Variants in ETV7 observed in about 807,000 individuals in gnomAD.
ETV7 encodes the protein ETS variant transcription factor 7.
ETV7 carries 43 observed loss-of-function variants against 39.1 expected under a neutral mutation model. The observed-to-expected ratio is 1.10, with a 90% CI of 0.86 to 1.42. The LOEUF (loss-of-function observed/expected upper bound fraction) is 1.42. Among genes scored for constraint, ETV7 ranks in the 40% most tolerant of loss-of-function variants. ETV7 has a pLI of 0.00. For synonymous variants in ETV7, 196 were observed against 176.6 expected (o/e 1.11, Z -0.87); for missense variants, 432 against 442.3 (o/e 0.98, Z 0.21).
intron 2 of ETV7, among the ~76,000 whole-genome samples, chr6:36,384,977 T>C (rs1773823029): frequency 6.6e-6 from 1 of 152,122 alleles, no homozygotes; most frequent in African/African-American, 2.4e-5. Flanking sequence ...AAATTTTTAA[T>C]TGACAAATTA....
chr6:36,364,688 C>T (rs1301967004), downstream of ETV7, among the ~76,000 whole-genome samples: 1 of 152,328 alleles, frequency 6.6e-6, no homozygotes, highest in East Asian at 1.9e-4. Context: ...CACAGTGCAG[C>T]GGTGGGATGA....
At chr6:36,374,150 G>A (rs1441860499) in intron 3 of ETV7, among the ~76,000 whole-genome samples, 3 of 152,138 alleles carry the variant, frequency 2.0e-5, no homozygotes, top group African/African-American at 7.2e-5. Context: ...TTGAACCCAG[G>A]AGTTTGAGAC....
chr6:36,383,018 T>C (rs1184166006), intron 2 of ETV7, among the ~76,000 whole-genome samples: 1 of 152,000 alleles, frequency 6.6e-6, no homozygotes, highest in Non-Finnish European at 1.5e-5. Context: ...GGTGACCATC[T>C]CTGAACTGCC....
At chr6:36,378,456 A>G (rs1438513307) in intron 2 of ETV7, among the ~76,000 whole-genome samples, 1 of 152,220 alleles carries the variant, frequency 6.6e-6, no homozygotes, top group Non-Finnish European at 1.5e-5. Flanking sequence ...AGGCTGTAAT[A>G]AAAACGAAAC....
chr6:36,378,541 C>T lies in ETV7; in HGVS notation c.143-2506G>A, dbSNP rs541638599. ...AACAAAACTAAAAGAGGGTAGATTTCAGGGAAATATTTGCAATGCAGATGA... is the reference window on the plus strand; with the variant it reads ...AACAAAACTAAAAGAGGGTAGATTTTAGGGAAATATTTGCAATGCAGATGA... On this transcript the variant is annotated intron_variant, in intron 2 of 7. Coordinates refer to ENST00000340181, the MANE Select transcript of ETV7 (RefSeq NM_016135.4). 6.6e-5 allele frequency among the ~76,000 whole-genome samples: 10 copies of T among 152,012 alleles called. 1 individual carries two copies. The East Asian group carries it at 1.2e-3, about 18-fold the overall frequency.
Position 36,387,537 on chromosome 6 carries a change from T to G in ETV7, c.5A>C (p.Gln2Pro), listed in dbSNP as rs1402635694. 1.2e-6 allele frequency: 2 copies of G among 1,614,020 alleles called. No homozygotes were observed. Among genetic ancestry groups the G allele is most frequent in the Admixed American group, 1.7e-5 (1 of 60,012 alleles). MQEGELAISPIS... is the reference protein window; with the variant it reads MPEGELAISPIS... Reference sequence around the variant, plus strand: ...CGTGTTCAGCCGCCAGGCTCTTACCTGCATTACAGGTGGAGGTGAGGAAGC... The same window carrying G: ...CGTGTTCAGCCGCCAGGCTCTTACCGGCATTACAGGTGGAGGTGAGGAAGC... The change falls in exon 1 of 8, where the codon CAG becomes CCG. Residue 2 changes from glutamine (Q) to proline (P), a missense_variant and splice_region_variant. Gln to Pro is a moderately conservative substitution (Grantham distance 76). Coordinates refer to ENST00000340181, the MANE Select transcript of ETV7 (RefSeq NM_016135.4).
chr6:36,376,822 T>C (rs1773389236), intron 2 of ETV7, among the ~76,000 whole-genome samples: 1 of 148,866 alleles, frequency 6.7e-6, no homozygotes, highest in African/African-American at 2.5e-5. Context: ...GTTTCCCAAA[T>C]GAGGCAGTGA....
intron 7 of ETV7, among the ~76,000 whole-genome samples, chr6:36,354,855 T>C (rs1305395485): frequency 6.6e-6 from 1 of 152,246 alleles, no homozygotes; most frequent in Non-Finnish European, 1.5e-5. Flanking sequence ...TTTCAGAGTA[T>C]ATGTCTTGTG....
chr6:36,373,454 T>C lies in ETV7; in HGVS notation c.432A>G (p.Glu144=). The C allele has an allele frequency of 6.4e-7, 1 of 1,557,322 alleles. No homozygotes were observed. The highest frequency in any genetic ancestry group is 8.6e-7 in the Non-Finnish European group (1 of 1,156,448). The part of the protein sequence containing the change: ...TPTQHSPVPP[E]EVTGPSQMDT... ...GAGCACCACAGAGAGCTTCCTCACC[T>C]TCCGGGGGGACTGGAGAGTGCTGGG... is the stretch of plus-strand genomic sequence containing the variant. Residue 144 remains glutamate, a splice_region_variant and synonymous_variant, in exon 4 of 8, where the codon GAA becomes GAG. Transcript: ENST00000340181.
At chr6:36,372,109 T>C (rs368449705) in intron 4 of ETV7, among the ~76,000 whole-genome samples, 3 of 152,320 alleles carry the variant, frequency 2.0e-5, no homozygotes, top group East Asian at 1.9e-4. Context: ...GAGCAGGGGT[T>C]GCCACTTTAG....
chr6:36,384,504 G>T (rs973463633), intron 2 of ETV7, among the ~76,000 whole-genome samples: 5 of 152,152 alleles, frequency 3.3e-5, no homozygotes, highest in Non-Finnish European at 5.9e-5. Flanking sequence ...TTTGGTCTTA[G>T]GGAAATAGGA....
intron 2 of ETV7, among the ~76,000 whole-genome samples, chr6:36,380,652 A>G (rs1773606271): frequency 6.6e-6 from 1 of 152,186 alleles, no homozygotes; most frequent in Non-Finnish European, 1.5e-5. Context: ...CTGTGGACAT[A>G]GCGCTTCTTT....
Position 36,366,251 on chromosome 6 carries a change from C to A in ETV7, c.*394G>T. On this transcript the variant is annotated 3_prime_UTR_variant, in exon 8 of 8. Transcript: ENST00000340181. ...TGTCAGTGCCGCCTGGAAGCACTAA[C>A]ACTTTTTCCCATTTCCTGCCTCAGC... 2 of 1,045,506 alleles carry A rather than the reference C, an allele frequency of 1.9e-6. No homozygotes were observed. The highest frequency in any genetic ancestry group is 3.8e-5 in the South Asian group (1 of 26,632). The allele number at this position is 1,045,506 out of a possible 1,614,324, so 64.8% of individuals were successfully genotyped here. A position where few individuals can be genotyped will look rare whatever the true frequency, so the allele number is the denominator to read the frequency against.
At chr6:36,369,196 T>C in intron 5 of ETV7, 125 bp from the exon 6 acceptor site, 1 of 1,068,730 alleles carries the variant, frequency 9.4e-7, no homozygotes, top group Non-Finnish European at 1.3e-6. Flanking sequence ...AAGGTGAAAA[T>C]GATGATATCA....
At chr6:36,354,671 T>C (rs770600739) in exon 8 of ETV7, 1 of 699,098 alleles carries the variant, frequency 1.4e-6, no homozygotes, top group Non-Finnish European at 2.6e-6. Flanking sequence ...AATATGAAGA[T>C]CAGCTGAAGT....
intron 4 of ETV7, 90 bp downstream of exon 4, chr6:36,373,363 T>G: frequency 2.1e-6 from 3 of 1,398,732 alleles, no homozygotes; most frequent in Non-Finnish European, 2.8e-6. Flanking sequence ...ACTGGCCACC[T>G]CTTTCATTGC....
intron 2 of ETV7, among the ~76,000 whole-genome samples, chr6:36,376,553 G>A (rs561115993): frequency 9.2e-5 from 14 of 152,168 alleles, no homozygotes; most frequent in South Asian, 2.1e-4. Context: ...CGAGGCGGGT[G>A]GATCACAAAG....
intron 7 of ETV7, among the ~76,000 whole-genome samples, chr6:36,355,207 TA>T (rs777641274): frequency 6.6e-6 from 1 of 152,232 alleles, no homozygotes; most frequent in Non-Finnish European, 1.5e-5. Flanking sequence ...AGTAGGATGG[TA>T]GCTGTGGGGT....
intron 2 of ETV7, among the ~76,000 whole-genome samples, chr6:36,384,659 G>T (rs1773807922): frequency 6.6e-6 from 1 of 152,082 alleles, no homozygotes; most frequent in South Asian, 2.1e-4. Context: ...GGAGGCCGAG[G>T]CGGGTGGATC....
Sources: allele counts gnomAD v4.1 joint callset (sites outside exome capture counted in the v4.1 genomes callset), GRCh38; gene constraint gnomAD v4.1.1; transcripts MANE v1.5; gene names NCBI Gene and HGNC (gene_info 2026-07-23, HGNC 2026-07-21).